Variants in C3orf33 observed in about 807,000 individuals in gnomAD.
C3orf33 encodes mitochondrial inner membrane subdomain organizer 1, also known as AP-1 activity suppressor.
C3orf33 carries 23 observed loss-of-function variants against 28.7 expected under a neutral mutation model. That is an observed-to-expected ratio of 0.80 (90% CI 0.58 to 1.13). The LOEUF (loss-of-function observed/expected upper bound fraction) is 1.13. Ranked by LOEUF, C3orf33 falls within the 50% of genes most tolerant of loss-of-function variation. The pLI, the probability that C3orf33 is intolerant of heterozygous loss-of-function variation, is 0.00. For synonymous variants in C3orf33, 119 were observed against 120.5 expected (o/e 0.99, Z 0.08); for missense variants, 327 against 353.4 (o/e 0.93, Z 0.60).
At chr3:155,785,268 C>T (rs903805163) in intron 2 of C3orf33, among the ~76,000 whole-genome samples, 1 of 152,046 alleles carries the variant, frequency 6.6e-6, no homozygotes, top group African/African-American at 2.4e-5. Context: ...ATAACAGAGA[C>T]AACACCCCAC....
At chr3:155,765,446 T>A (rs573785749) in intron 4 of C3orf33, among the ~76,000 whole-genome samples, 7 of 152,364 alleles carry the variant, frequency 4.6e-5, no homozygotes, top group African/African-American at 1.7e-4. Flanking sequence ...CTCCTTTTTT[T>A]TGGTAATTAT....
rs1298542289 is a variant in C3orf33 at position 155,777,313 on chromosome 3, TA to T, written c.175-1466del. Among the ~76,000 whole-genome samples, 28 of 147,624 alleles carry T rather than the reference TA, an allele frequency of 1.9e-4. 2 individuals carry two copies. The highest frequency in any genetic ancestry group is 1.5e-3 in the Admixed American group (22 of 14,764). On this transcript the variant is annotated intron_variant, in intron 2 of 4. Transcript: ENST00000340171. ...TGGGCAACAAGAGCGAAACTCTGTCTAAAAAAAAAATTAAAAAAAAAATCAT... is the reference window on the plus strand; with the variant it reads ...TGGGCAACAAGAGCGAAACTCTGTCTAAAAAAAAATTAAAAAAAAAATCAT...
At chr3:155,771,993 C>T (rs1426272877) in intron 3 of C3orf33, among the ~76,000 whole-genome samples, 2 of 152,024 alleles carry the variant, frequency 1.3e-5, no homozygotes, top group Non-Finnish European at 2.9e-5. Flanking sequence ...GTCTTAAACC[C>T]AGAAGTTCAA....
At chr3:155,775,021 T>C (rs1458277959) in intron 3 of C3orf33, among the ~76,000 whole-genome samples, 1 of 152,166 alleles carries the variant, frequency 6.6e-6, no homozygotes, top group African/African-American at 2.4e-5. Flanking sequence ...CTTTTCTTCA[T>C]AGCTCTTAGG....
chr3:155,771,875 G>A (rs1750602904), intron 3 of C3orf33, among the ~76,000 whole-genome samples: 2 of 152,170 alleles, frequency 1.3e-5, no homozygotes, highest in African/African-American at 4.8e-5. Context: ...GAACAACTTA[G>A]GCTCCAGTGG....
At position 155,806,177 on chromosome 3, in the gene C3orf33, T is replaced by G. The variant is rs1328133198; in HGVS notation, c.76A>C (p.Ile26Leu). ...DGMEPNVVAR[I>L]SQWADDHLRL... ...AGGTGGTCGTCTGCCCACTGCGAGA[T>G]CCGAGCCACGACGTTGGGCTCCATT... Residue 26 changes from isoleucine to leucine, a missense_variant, in exon 1 of 5, where the codon ATC (isoleucine) becomes CTC (leucine). By Grantham distance (5) the Ile-to-Leu change is conservative. Transcript: ENST00000340171. 2 of 1,495,836 alleles carry G rather than the reference T, an allele frequency of 1.3e-6. No homozygotes were observed. Among genetic ancestry groups the G allele is most frequent in the Non-Finnish European group, 1.8e-6 (2 of 1,122,372 alleles). The allele number at this position is 1,495,836 out of a possible 1,614,324, so 92.7% of individuals were successfully genotyped here. A position where few individuals can be genotyped will look rare whatever the true frequency, so the allele number is the denominator to read the frequency against.
intron 2 of C3orf33, among the ~76,000 whole-genome samples, chr3:155,780,208 A>G (rs1336314740): frequency 6.6e-6 from 1 of 152,218 alleles, no homozygotes; most frequent in African/African-American, 2.4e-5. Context: ...ACTCTAGGAG[A>G]GGCAGAAAGA....
chr3:155,775,224 T>G (rs1188979733), intron 3 of C3orf33, among the ~76,000 whole-genome samples: 2 of 152,164 alleles, frequency 1.3e-5, no homozygotes, highest in Non-Finnish European at 2.9e-5. Flanking sequence ...GTGTGGTGGC[T>G]CAGGCCTGTA....
chr3:155,781,179 T>C (rs1485402112), intron 2 of C3orf33, among the ~76,000 whole-genome samples: 10 of 149,124 alleles, frequency 6.7e-5, no homozygotes, highest in Admixed American at 1.3e-4. Context: ...TTTTTTTGTA[T>C]TTTTTTTTAG....
chr3:155,797,837 G>A (rs916092780), intron 2 of C3orf33, among the ~76,000 whole-genome samples: 2 of 152,094 alleles, frequency 1.3e-5, no homozygotes, highest in Non-Finnish European at 2.9e-5. Context: ...TTGGGAGGCC[G>A]AGGTGGGCAG....
At chr3:155,775,072 T>C (rs1750699814) in intron 3 of C3orf33, among the ~76,000 whole-genome samples, 1 of 152,202 alleles carries the variant, frequency 6.6e-6, no homozygotes, top group Non-Finnish European at 1.5e-5. Context: ...GCACCTAGAC[T>C]ATAAGCTTCA....
intron 1 of C3orf33, chr3:155,804,183 A>G (rs1445592424): frequency 2.3e-6 from 1 of 431,822 alleles, no homozygotes; most frequent in African/African-American, 2.1e-5. Flanking sequence ...TCTAAAAAAA[A>G]AGAAAAAGGA....
rs1366364805 is a variant in C3orf33 at position 155,782,201 on chromosome 3, C to CG, written c.175-6354dup. ...AAAAAAAGATAAATTATTGAGTCTG[C>CG]GGAACAGAAAGAAAAAAAAAGATTG... On this transcript the variant is annotated intron_variant, in intron 2 of 4. Coordinates refer to ENST00000340171, the MANE Select transcript of C3orf33 (RefSeq NM_001308229.2). Among the ~76,000 whole-genome samples the CG allele has an allele frequency of 4.7e-5, 7 of 148,184 alleles. No individual in the cohort carries two copies. In the East Asian group the frequency reaches 1.4e-3, roughly 29 times the overall value.
rs1476562841 is a variant in C3orf33, at chr3:155,806,139, C to T, written c.114G>A (p.Arg38=). ...QWADDHLRLV[R]NISTGMAIAG... ...CGCCCAGACTGCGTGGCCCCAGTAC[C>T]CGGACTAGGCGCAGGTGGTCGTCTG... The change falls in exon 1 of 5, where the codon CGG becomes CGA. Residue 38 remains arginine, a splice_region_variant and synonymous_variant. Transcript: ENST00000340171. 2 of 1,458,618 alleles carry T rather than the reference C, an allele frequency of 1.4e-6. No homozygotes were observed. The highest frequency in any genetic ancestry group is 2.6e-5 in the South Asian group (2 of 75,866). 90.4% of individuals were successfully genotyped at this position (1,458,618 alleles called of 1,614,324 possible). A position where few individuals can be genotyped will look rare whatever the true frequency, so the allele number is the denominator to read the frequency against.
At chr3:155,768,336 A>C (rs1433603210) in intron 3 of C3orf33, among the ~76,000 whole-genome samples, 5 of 152,204 alleles carry the variant, frequency 3.3e-5, no homozygotes, top group Admixed American at 3.3e-4. Flanking sequence ...AAAGAACCAC[A>C]GAAACTGCTT....
intron 3 of C3orf33, among the ~76,000 whole-genome samples, chr3:155,775,111 C>A (rs930643122): frequency 1.3e-5 from 2 of 152,166 alleles, no homozygotes; most frequent in African/African-American, 4.8e-5. Context: ...TTTTACCCAA[C>A]ATTGTACAAT....
At position 155,763,671 on chromosome 3, in the gene C3orf33, T is replaced by G. The variant is rs1750306457; in HGVS notation, c.731A>C (p.Lys244Thr). 6.3e-7 allele frequency: 1 copy of G among 1,594,660 alleles called. No individual in the cohort carries two copies. Reference protein sequence around the residue: ...REIWKKDSFLKTTGSDFSLKK... With the variant: ...REIWKKDSFLTTTGSDFSLKK... ...CAAGCTGAAATCTGATCCTGTTGTT[T>G]TTAAAAAACTGTCCTTTTTCCATAT... Residue 244 changes from lysine (K) to threonine (T), a missense_variant, in exon 5 of 5, where the codon AAA (lysine) becomes ACA (threonine). Lys to Thr is a moderately conservative substitution (Grantham distance 78, BLOSUM62 -1). Transcript: ENST00000340171.
chr3:155,779,668 C>T (rs899641715), intron 2 of C3orf33, among the ~76,000 whole-genome samples: 74 of 152,014 alleles, frequency 4.9e-4, no homozygotes, highest in Non-Finnish European at 1.0e-4. Context: ...AAAATAGGCA[C>T]CTGGAAACCA....
chr3:155,784,510 C>T (rs1751038998), intron 2 of C3orf33, among the ~76,000 whole-genome samples: 1 of 151,964 alleles, frequency 6.6e-6, no homozygotes, highest in Non-Finnish European at 1.5e-5. Flanking sequence ...CAGGCCAAGG[C>T]AGGTGGATCA....
Sources: allele counts gnomAD v4.1 joint callset (sites outside exome capture counted in the v4.1 genomes callset), GRCh38; gene constraint gnomAD v4.1.1; transcripts MANE v1.5; gene names NCBI Gene and HGNC (gene_info 2026-07-23, HGNC 2026-07-21).